Variants in ASTN1 observed in about 807,000 individuals in gnomAD.
ASTN1 encodes the protein astrotactin 1.
ASTN1 carries 41 observed loss-of-function variants against 140.7 expected under a neutral mutation model. The ratio of observed to expected loss-of-function variants is 0.29; its 90% CI spans 0.23 to 0.38. ASTN1 has a LOEUF of 0.38. ASTN1 is among the 10% of genes least tolerant of loss of function. ASTN1 has a pLI of 1.00. For synonymous variants in ASTN1, 640 were observed against 652.2 expected (o/e 0.98, Z 0.29); for missense variants, 1,479 against 1,678.8 (o/e 0.88, Z 2.08).
At position 176,939,706 on chromosome 1, in the gene ASTN1, CA is replaced by C. The variant is rs1671632005; in HGVS notation, c.2378-3337del. Among the ~76,000 whole-genome samples the C allele has an allele frequency of 5.3e-5, 8 of 150,432 alleles. 1 individual carries two copies. The highest frequency in any genetic ancestry group is 4.0e-4 in the Admixed American group (6 of 15,092). On this transcript the variant is annotated intron_variant, in intron 14 of 22. Transcript: ENST00000361833. ...AGCAGTATCTCTGACTATGTTTTTT[CA>C]AGAAAAAACATTAATTTTTCCTACC...
intron 14 of ASTN1, among the ~76,000 whole-genome samples, chr1:176,941,766 A>T (rs1671722996): frequency 1.3e-5 from 2 of 152,310 alleles, no homozygotes; most frequent in East Asian, 1.9e-4. Flanking sequence ...TGTCCTGCAG[A>T]TCTTTAAACA....
At position 177,052,420 on chromosome 1, in the gene ASTN1, T is replaced by G. The variant is rs75486461; in HGVS notation, c.471+8658A>C. Reference sequence around the variant, plus strand: ...TAATAATTAAAACAGCCCTATAAAGTAGGATTTATTATTCCCATTTTATGG... The same window carrying G: ...TAATAATTAAAACAGCCCTATAAAGGAGGATTTATTATTCCCATTTTATGG... On this transcript the variant is annotated intron_variant, in intron 2 of 22. Transcript: ENST00000361833. Among the ~76,000 whole-genome samples the G allele has an allele frequency of 1.7e-3, 258 of 152,296 alleles. 9 individuals are homozygous for G. The East Asian group carries it at 0.049, about 29-fold the overall frequency.
At chr1:176,912,862 G>C (rs142011523) in intron 16 of ASTN1, among the ~76,000 whole-genome samples, 1 of 152,284 alleles carries the variant, frequency 6.6e-6, no homozygotes, top group African/African-American at 2.4e-5. Context: ...TACATTCTCT[G>C]TTTTCACAAG....
intron 20 of ASTN1, among the ~76,000 whole-genome samples, chr1:176,879,843 C>T (rs961872166): frequency 1.3e-5 from 2 of 152,206 alleles, no homozygotes; most frequent in Non-Finnish European, 2.9e-5. Context: ...AGGGCCATTC[C>T]TCAGTAGTCC....
chr1:176,867,481 A>C (rs1040407716), intron 22 of ASTN1, among the ~76,000 whole-genome samples: 2 of 151,934 alleles, frequency 1.3e-5, no homozygotes, highest in Non-Finnish European at 2.9e-5. Flanking sequence ...CTTAACATGT[A>C]TCTACTTTCT....
intron 21 of ASTN1, among the ~76,000 whole-genome samples, chr1:176,870,007 G>C (rs1668275113): frequency 1.3e-5 from 2 of 152,124 alleles, no homozygotes; most frequent in Non-Finnish European, 2.9e-5. Context: ...TTTAATTTAT[G>C]TCTCTGATAT....
At chr1:177,023,990 G>GT (rs1297524915) in intron 6 of ASTN1, among the ~76,000 whole-genome samples, 3 of 152,172 alleles carry the variant, frequency 2.0e-5, no homozygotes, top group Admixed American at 6.5e-5. Context: ...TGCGTGAACA[G>GT]TCCCCACCTG....
intron 10 of ASTN1, 25 bp downstream of exon 10, chr1:176,958,320 G>C: frequency 6.2e-7 from 1 of 1,611,714 alleles, no homozygotes; most frequent in Non-Finnish European, 8.5e-7. Context: ...CCAATTGCAG[G>C]CCTCAGTCCT....
chr1:177,159,899 A>G (rs936782202), intron 1 of ASTN1, among the ~76,000 whole-genome samples: 1 of 152,242 alleles, frequency 6.6e-6, no homozygotes, highest in Non-Finnish European at 1.5e-5. Flanking sequence ...ACTATAAATA[A>G]GTGAGAATTC....
chr1:177,149,461 TATATATATAGTATATATATAGTAA>T lies in ASTN1; in HGVS notation c.283+14909_283+14932del, dbSNP rs1403888993. ...ATATATATAGTATATATATAGTAAATATATATATAGTATATATATAGTAAATATATATAGTATATATATAGTAAA... is the reference window on the plus strand; with the variant it reads ...ATATATATAGTATATATATAGTAAATATATATATAGTATATATATAGTAAA... On this transcript the variant is annotated intron_variant, in intron 1 of 22. Coordinates refer to ENST00000361833, the MANE Select transcript of ASTN1 (RefSeq NM_004319.3). 6.2e-4 allele frequency among the ~76,000 whole-genome samples: 31 copies of T among 49,816 alleles called. 2 individuals are homozygous for T. The highest frequency in any genetic ancestry group is 7.4e-4 in the East Asian group (1 of 1,348). The allele number at this position is 49,816 out of a possible 152,430, so 32.7% of individuals were successfully genotyped here.
chr1:177,078,499 T>A (rs1679028365), intron 1 of ASTN1, among the ~76,000 whole-genome samples: 1 of 152,160 alleles, frequency 6.6e-6, no homozygotes, highest in Non-Finnish European at 1.5e-5. Context: ...AGAGGGCTCT[T>A]CTGATCCTCT....
In ASTN1 at chr1:177,153,254, GTGA is replaced by G. The variant is rs560755440; in HGVS notation, c.283+11137_283+11139del. Among the ~76,000 whole-genome samples, 929 of 152,146 alleles carry G rather than the reference GTGA, an allele frequency of 6.1e-3. 10 individuals carry two copies. The highest frequency in any genetic ancestry group is 7.5e-3 in the Non-Finnish European group (508 of 67,986). ...CTTGGCACCTCTGCTTCTTTCTCTT[GTGA>G]TGATATCTTACCAGGTAATCTCTGC... On this transcript the variant is annotated intron_variant, in intron 1 of 22. Coordinates refer to ENST00000361833, the MANE Select transcript of ASTN1 (RefSeq NM_004319.3).
At chr1:176,880,008 T>C (rs944686820) in intron 20 of ASTN1, among the ~76,000 whole-genome samples, 2 of 152,182 alleles carry the variant, frequency 1.3e-5, no homozygotes, top group Non-Finnish European at 2.9e-5. Context: ...TTTCTACCAC[T>C]GAACACTCAG....
At chr1:176,927,238 GA>G (rs956318950) in intron 16 of ASTN1, among the ~76,000 whole-genome samples, 10 of 151,978 alleles carry the variant, frequency 6.6e-5, no homozygotes, top group Non-Finnish European at 5.9e-5. Flanking sequence ...GGATTATGTA[GA>G]AAAAAAATGT....
In ASTN1 at chr1:177,029,670, A is replaced by C; in HGVS notation, c.1084T>G (p.Tyr362Asp). The C allele has an allele frequency of 6.2e-7, 1 of 1,613,886 alleles. No individual in the cohort carries two copies. Among genetic ancestry groups the C allele is most frequent in the African/African-American group, 1.3e-5 (1 of 75,030 alleles). ...EAENDPQLTF[Y>D]TDPSRSRRRS... ...CTCCTGCTCCTTGAAGGATCCGTGT[A>C]AAAGGTCAGCTGGGGGTCGTTTTCT... The change falls in exon 5 of 23, where the codon TAC (tyrosine) becomes GAC (aspartate). Residue 362 changes from tyrosine (Y) to aspartate (D), a missense_variant. Physicochemically the swap from Tyr to Asp is radical, Grantham distance 160. Coordinates refer to ENST00000361833, the MANE Select transcript of ASTN1 (RefSeq NM_004319.3).
intron 1 of ASTN1, among the ~76,000 whole-genome samples, chr1:177,067,725 C>T (rs1384986187): frequency 2.0e-5 from 3 of 152,110 alleles, no homozygotes; most frequent in East Asian, 3.9e-4. Flanking sequence ...GAAAGGGATC[C>T]TCTAAAGACC....
chr1:176,957,814 G>A lies in ASTN1; in HGVS notation c.1751C>T (p.Thr584Ile), dbSNP rs367797381. ...CTCCAGGCTGTCGAAGGAGGATGAAGTCATCAGCTCCTCTCTGTGGGGAGA... is the reference window on the plus strand; with the variant it reads ...CTCCAGGCTGTCGAAGGAGGATGAAATCATCAGCTCCTCTCTGTGGGGAGA... ...DAVEVREELM[T>I]SSSFDSLEVL... Residue 584 changes from threonine to isoleucine, a missense_variant, in exon 11 of 23, where the codon ACT (threonine) becomes ATT (isoleucine). Around this residue, in one of 3 missense-constraint regions of ASTN1, gnomAD observed 729 missense variants for 860.4 expected, o/e 0.85. Coordinates refer to ENST00000361833, the MANE Select transcript of ASTN1 (RefSeq NM_004319.3). The A allele has an allele frequency of 6.2e-7, 1 of 1,613,938 alleles. No homozygotes were observed. The highest frequency in any genetic ancestry group is 8.5e-7 in the Non-Finnish European group (1 of 1,179,918).
At chr1:176,976,478 A>T (rs936413420) in intron 8 of ASTN1, 2 of 152,218 alleles carry the variant, frequency 1.3e-5, no homozygotes, top group African/African-American at 4.8e-5. Context: ...CTGACCCTGC[A>T]GTCTCCCATA....
chr1:177,105,068 T>C (rs1356163236), intron 1 of ASTN1, among the ~76,000 whole-genome samples: 2 of 152,168 alleles, frequency 1.3e-5, no homozygotes, highest in African/African-American at 4.8e-5. Context: ...CTCTCTCCAA[T>C]TTGCCATTTG....
Sources: gnomAD v4.1 joint callset for allele counts (sites outside exome capture counted in the v4.1 genomes callset) on GRCh38, gnomAD v4.1.1 for gene constraint, gnomAD v4.1.1 regional missense constraint, MANE v1.5 for transcripts, NCBI Gene and HGNC (gene_info 2026-07-23, HGNC 2026-07-21) for gene names.